COG5: variants seen among roughly 807,000 people sequenced by gnomAD.
The protein encoded by COG5 is component of oligomeric golgi complex 5.
A neutral mutation model predicts 110.4 loss-of-function variants in COG5; 86 were observed. That is an observed-to-expected ratio of 0.78 (90% confidence interval 0.65 to 0.93). The LOEUF is 0.93. COG5 is among the 40% of genes least tolerant of loss of function. COG5 has a pLI of 0.00. For synonymous variants in COG5, 360 were observed against 334.6 expected (o/e 1.08, Z -0.83); for missense variants, 1,077 against 987.0 (o/e 1.09, Z -1.22).
chr7:107,301,594 G>A lies in COG5; in HGVS notation c.1109-3248C>T, dbSNP rs4730231. On this transcript the variant is annotated intron_variant, in intron 11 of 21. Transcript: ENST00000297135. ...TAAAAAGAGTGACCACACCACAGCC[G>A]AACACAGTGGCTTGTGTAGTGAATA... is the stretch of plus-strand genomic sequence containing the variant. 7.2e-5 allele frequency among the ~76,000 whole-genome samples: 11 copies of A among 152,198 alleles called. No homozygotes were observed. In the East Asian group the frequency reaches 1.9e-3, roughly 27 times the overall value.
At chr7:107,393,337 G>A (rs371722372) in intron 7 of COG5, among the ~76,000 whole-genome samples, 243 of 152,058 alleles carry the variant, frequency 1.6e-3, no homozygotes, top group African/African-American at 4.9e-3. Context: ...GTGCCCCTAG[G>A]TGGTCTGCAT....
In COG5 at chr7:107,203,595, C is replaced by T; in HGVS notation, c.2411G>A (p.Ser804Asn). 6.2e-7 allele frequency: 1 copy of T among 1,614,062 alleles called. No individual in the cohort carries two copies. Among genetic ancestry groups the T allele is most frequent in the Non-Finnish European group, 8.5e-7 (1 of 1,179,940 alleles). ...ALEAYVQSVR[S>N]REGKEFAPVY... Reference sequence around the variant, plus strand: ...TGGTGCAAATTCTTTGCCTTCTCTACTTCTCACTGATTGAACATAAGCTTC... The same window carrying T: ...TGGTGCAAATTCTTTGCCTTCTCTATTTCTCACTGATTGAACATAAGCTTC... The change falls in exon 22 of 22, where the codon AGT (serine) becomes AAT (asparagine). Residue 804 changes from serine to asparagine, a missense_variant. Physicochemically the swap from Ser to Asn is conservative, Grantham distance 46. Coordinates refer to ENST00000297135, the MANE Select transcript of COG5 (RefSeq NM_006348.5).
intron 7 of COG5, among the ~76,000 whole-genome samples, chr7:107,373,534 G>A (rs1814371765): frequency 6.6e-6 from 1 of 152,030 alleles, no homozygotes; most frequent in Admixed American, 6.6e-5. Flanking sequence ...TCGGGGCAGT[G>A]GTATTAGCAA....
chr7:107,268,196 G>A (rs866030093), intron 14 of COG5, among the ~76,000 whole-genome samples: 4 of 152,078 alleles, frequency 2.6e-5, no homozygotes, highest in Admixed American at 6.6e-5. Flanking sequence ...TCAAACTCCC[G>A]AACTCAGGTG....
chr7:107,359,268 G>A (rs975005496), intron 10 of COG5, among the ~76,000 whole-genome samples: 4 of 152,200 alleles, frequency 2.6e-5, no homozygotes, highest in African/African-American at 4.8e-5. Flanking sequence ...AACTGAGGCC[G>A]AGCCCAGGTG....
chr7:107,513,233 C>T (rs1282393886), intron 6 of COG5, among the ~76,000 whole-genome samples: 1 of 152,086 alleles, frequency 6.6e-6, no homozygotes, highest in Admixed American at 6.6e-5. Context: ...AAAAAGTGGG[C>T]AAAGGATATG....
chr7:107,548,015 T>A lies in COG5; in HGVS notation c.417+96A>T, dbSNP rs142871691. 5,234 of 1,006,850 alleles carry A rather than the reference T, an allele frequency of 5.2e-3. 29 individuals are homozygous for A. The highest frequency in any genetic ancestry group is 0.015 in the South Asian group (1,103 of 71,666). 62.4% of individuals were successfully genotyped at this position (1,006,850 alleles called of 1,614,324 possible). ...CCTTTTCTCTTACCTTCTGTTCCCA[T>A]TCTCTTACTTCTTCCAAACTCATAC... On this transcript the variant is annotated intron_variant, in intron 5 of 21. Coordinates refer to ENST00000297135, the MANE Select transcript of COG5 (RefSeq NM_006348.5).
chr7:107,528,158 C>G (rs1328446190), intron 5 of COG5, among the ~76,000 whole-genome samples: 1 of 151,462 alleles, frequency 6.6e-6, no homozygotes, highest in Non-Finnish European at 1.5e-5. Context: ...GTGGCATGAT[C>G]ACACCTCACT....
chr7:107,262,644 C>T (rs1190498032), intron 14 of COG5, among the ~76,000 whole-genome samples: 2 of 152,130 alleles, frequency 1.3e-5, no homozygotes, highest in Non-Finnish European at 1.5e-5. Flanking sequence ...TGTTAAATAT[C>T]CCATTCATGC....
In COG5 at chr7:107,244,596, A is replaced by T. The variant is rs537546675; in HGVS notation, c.1853+3800T>A. Among the ~76,000 whole-genome samples, 43 of 152,234 alleles carry T rather than the reference A, an allele frequency of 2.8e-4. No individual in the cohort carries two copies. In the South Asian group the frequency reaches 6.4e-3, roughly 23 times the overall value. ...TAGCTAGACTAATAAAGAAGAGAGA[A>T]TATCAAATAAACACAATTAGACATG... On this transcript the variant is annotated intron_variant, in intron 17 of 21. Transcript: ENST00000297135.
At chr7:107,362,483 A>T in intron 8 of COG5, 63 bp from the exon 9 acceptor site, 1 of 943,234 alleles carries the variant, frequency 1.1e-6, no homozygotes, top group East Asian at 2.6e-5. Context: ...ATATATATAT[A>T]TGTTATTATA....
chr7:107,516,406 C>T (rs1245375726), intron 6 of COG5, among the ~76,000 whole-genome samples: 1 of 152,160 alleles, frequency 6.6e-6, no homozygotes, highest in Non-Finnish European at 1.5e-5. Context: ...TCTCCTTGTC[C>T]ACAGTTTGTC....
At chr7:107,265,833 T>C (rs1486268319) in intron 14 of COG5, among the ~76,000 whole-genome samples, 1 of 151,952 alleles carries the variant, frequency 6.6e-6, no homozygotes, top group East Asian at 1.9e-4. Flanking sequence ...AGTGGGAGGA[T>C]CGCTTGAGCT....
At chr7:107,461,990 A>G (rs1796020644) in intron 6 of COG5, among the ~76,000 whole-genome samples, 1 of 152,212 alleles carries the variant, frequency 6.6e-6, no homozygotes, top group African/African-American at 2.4e-5. Context: ...TGTGATATCA[A>G]TTAAAATCCC....
chr7:107,256,674 A>G, intron 16 of COG5, 58 bp downstream of exon 16: 1 of 1,224,696 alleles, frequency 8.2e-7, no homozygotes, highest in South Asian at 1.2e-5. Flanking sequence ...CCCACTCAGC[A>G]AAACAAATAA....
intron 18 of COG5, among the ~76,000 whole-genome samples, chr7:107,234,115 G>A (rs1800977226): frequency 6.6e-6 from 1 of 152,204 alleles, no homozygotes; most frequent in African/African-American, 2.4e-5. Flanking sequence ...GTGTCAGGAT[G>A]TTTTGAAACT....
intron 6 of COG5, among the ~76,000 whole-genome samples, chr7:107,509,935 C>T (rs1799369100): frequency 1.3e-5 from 2 of 152,284 alleles, no homozygotes; most frequent in Admixed American, 6.5e-5. Flanking sequence ...GTACCAGCCA[C>T]TGCAAAAACA....
intron 7 of COG5, among the ~76,000 whole-genome samples, chr7:107,387,686 A>G (rs952344605): frequency 1.3e-5 from 2 of 152,202 alleles, no homozygotes; most frequent in Non-Finnish European, 2.9e-5. Context: ...GATGATAAAC[A>G]TGGAAAAGCA....
chr7:107,383,800 TTCTTC>T (rs1815334754), intron 7 of COG5, among the ~76,000 whole-genome samples: 1 of 152,182 alleles, frequency 6.6e-6, no homozygotes, highest in African/African-American at 2.4e-5. Context: ...TCTTTTTTCT[TTCTTC>T]TCATCTGTCC....
Sources: allele counts gnomAD v4.1 joint callset (sites outside exome capture counted in the v4.1 genomes callset), GRCh38; gene constraint gnomAD v4.1.1; transcripts MANE v1.5; gene names NCBI Gene and HGNC (gene_info 2026-07-23, HGNC 2026-07-21).